NCOR1: variants seen among roughly 807,000 people sequenced by gnomAD.
NCOR1 encodes nuclear receptor corepressor 1, also known as protein phosphatase 1, regulatory subunit 109.
A neutral mutation model predicts 288.1 loss-of-function variants in NCOR1; 63 were observed. The observed-to-expected ratio is 0.22, with a 90% CI of 0.18 to 0.27. The LOEUF (loss-of-function observed/expected upper bound fraction) is 0.27, where lower values mean the gene tolerates loss of function less well. NCOR1 is among the 10% of genes least tolerant of loss of function. The pLI is 1.00. For missense variants in NCOR1, 2,397 were observed against 3,019.2 expected (o/e 0.79, Z 4.83); for synonymous variants, 1,007 against 1,065.9 (o/e 0.94, Z 1.08).
intron 2 of NCOR1, among the ~76,000 whole-genome samples, chr17:16,191,483 A>AT (rs1437651780): frequency 6.6e-6 from 1 of 152,238 alleles, no homozygotes; most frequent in Non-Finnish European, 1.5e-5. Context: ...CAAAAATGAA[A>AT]TCCATCTGCA....
In NCOR1 at chr17:16,092,152, T is replaced by C. The variant is rs759109176; in HGVS notation, c.2821-94A>G. The stretch of plus-strand genomic sequence containing the variant: ...TGTAATGCTTATTTCTGTCATGTTA[T>C]TGGTTGAATTGATTTTATCATTTTT... On this transcript the variant is annotated intron_variant, in intron 21 of 45. Transcript: ENST00000268712. The C allele has an allele frequency of 1.7e-5, 23 of 1,392,404 alleles. No individual in the cohort carries two copies. The African/African-American group carries it at 1.8e-4, about 11-fold the overall frequency. The allele number at this position is 1,392,404 out of a possible 1,614,324, so 86.3% of individuals were successfully genotyped here.
At chr17:16,204,266 C>T (rs1458824480) in intron 1 of NCOR1, among the ~76,000 whole-genome samples, 2 of 152,146 alleles carry the variant, frequency 1.3e-5, no homozygotes, top group Non-Finnish European at 2.9e-5. Flanking sequence ...GCTGACACAA[C>T]TAGCTAGTTA....
chr17:16,067,865 C>A, intron 32 of NCOR1, 29 bp downstream of exon 32: 1 of 1,575,174 alleles, frequency 6.3e-7, no homozygotes, highest in South Asian at 1.1e-5. Flanking sequence ...ATTTATTTGC[C>A]ATAAATTATC....
intron 3 of NCOR1, among the ~76,000 whole-genome samples, chr17:16,184,859 T>C (rs564044369): frequency 1.2e-4 from 19 of 152,118 alleles, no homozygotes; most frequent in African/African-American, 4.6e-4. Context: ...GTGGTATATA[T>C]ACACTATGGA....
chr17:16,202,301 TGA>T (rs2090937218), intron 1 of NCOR1, among the ~76,000 whole-genome samples: 1 of 149,146 alleles, frequency 6.7e-6, no homozygotes, highest in Non-Finnish European at 1.5e-5. Flanking sequence ...CTCAGGAGGC[TGA>T]GACACGAGAA....
At position 16,029,936 on chromosome 17, in the gene NCOR1, A is replaced by G. The variant is rs1360678833; in HGVS notation, c.*2360T>C. The G allele has an allele frequency of 1.9e-5, 3 of 156,830 alleles. No homozygotes were observed. Among genetic ancestry groups the G allele is most frequent in the East Asian group, 1.6e-4 (1 of 6,196 alleles). The allele number at this position is 156,830 out of a possible 1,614,324, so 9.7% of individuals were successfully genotyped here. A position where few individuals can be genotyped will look rare whatever the true frequency, so the allele number is the denominator to read the frequency against. Reference sequence around the variant, plus strand: ...GTAAGAAGTTAGGCTCTGATCTGACATGTTCTCAGAAACTATACGGTTGAC... The same window carrying G: ...GTAAGAAGTTAGGCTCTGATCTGACGTGTTCTCAGAAACTATACGGTTGAC... On this transcript the variant is annotated 3_prime_UTR_variant, in exon 46 of 46. Coordinates refer to ENST00000268712, the MANE Select transcript of NCOR1 (RefSeq NM_006311.4).
chr17:16,122,604 A>C (rs2073218146), intron 15 of NCOR1: 3 of 152,196 alleles, frequency 2.0e-5, no homozygotes, highest in Non-Finnish European at 4.4e-5. Flanking sequence ...CCTTCAAGGG[A>C]CAGACCTTTC....
chr17:16,170,482 A>C, intron 4 of NCOR1, among the ~76,000 whole-genome samples: 1 of 152,194 alleles, frequency 6.6e-6, no homozygotes, highest in Non-Finnish European at 1.5e-5. Flanking sequence ...TTCTGTATCT[A>C]CTAAGTGTCA....
chr17:16,185,533 A>C (rs1453826925), intron 3 of NCOR1, among the ~76,000 whole-genome samples: 1 of 151,838 alleles, frequency 6.6e-6, no homozygotes, highest in African/African-American at 2.4e-5. Context: ...AAAACACAAA[A>C]GTTAGCTGGG....
intron 4 of NCOR1, among the ~76,000 whole-genome samples, chr17:16,166,671 C>CTCCA (rs1568434284): frequency 6.6e-6 from 1 of 151,380 alleles, no homozygotes; most frequent in African/African-American, 2.4e-5. Flanking sequence ...CAGAGCAAGA[C>CTCCA]TCCATCTCAA....
chr17:16,193,524 C>T (rs545418280), intron 2 of NCOR1, among the ~76,000 whole-genome samples: 8 of 152,212 alleles, frequency 5.3e-5, no homozygotes, highest in African/African-American at 1.4e-4. Flanking sequence ...TGAGCCACCG[C>T]GCCCGGCCTG....
At chr17:16,076,499 C>G (rs1034752608) in intron 26 of NCOR1, among the ~76,000 whole-genome samples, 1 of 152,184 alleles carries the variant, frequency 6.6e-6, no homozygotes, top group Non-Finnish European at 1.5e-5. Context: ...TACAACTACA[C>G]GAGAAGTTGC....
intron 1 of NCOR1, among the ~76,000 whole-genome samples, chr17:16,206,785 A>T (rs2091562358): frequency 6.6e-6 from 1 of 152,226 alleles, no homozygotes; most frequent in African/African-American, 2.4e-5. Flanking sequence ...ACAGTAGTAT[A>T]TAAAAGAATA....
chr17:16,180,048 G>A (rs2085081449), intron 3 of NCOR1, among the ~76,000 whole-genome samples: 1 of 151,170 alleles, frequency 6.6e-6, no homozygotes. Context: ...CCACTAGCAA[G>A]TGGGACATAT....
chr17:16,100,799 A>T (rs1423274022), intron 20 of NCOR1, among the ~76,000 whole-genome samples: 2 of 152,216 alleles, frequency 1.3e-5, no homozygotes, highest in Non-Finnish European at 2.9e-5. Context: ...AACACTGAAC[A>T]TGTCTCTCTT....
At chr17:16,136,862 A>C (rs1249086106) in intron 14 of NCOR1, among the ~76,000 whole-genome samples, 1 of 151,834 alleles carries the variant, frequency 6.6e-6, no homozygotes, top group Non-Finnish European at 1.5e-5. Context: ...GAACTCCACA[A>C]ATGAAGTTAA....
chr17:16,192,548 C>T (rs1280216084), intron 2 of NCOR1, among the ~76,000 whole-genome samples: 6 of 152,014 alleles, frequency 3.9e-5, no homozygotes, highest in African/African-American at 7.3e-5. Flanking sequence ...TCCAGCTACT[C>T]GGGAGGCTGA....
chr17:16,088,437 T>C (rs926419081), intron 22 of NCOR1, among the ~76,000 whole-genome samples: 7 of 152,170 alleles, frequency 4.6e-5, no homozygotes, highest in Non-Finnish European at 7.4e-5. Flanking sequence ...CGGATTTCTG[T>C]GTAATAATTT....
chr17:16,170,581 T>A (rs904814191), intron 4 of NCOR1, among the ~76,000 whole-genome samples: 6 of 152,026 alleles, frequency 3.9e-5, no homozygotes, highest in Non-Finnish European at 5.9e-5. Flanking sequence ...ATGCCTGTAA[T>A]CCCAGCACTT....
Sources: allele counts gnomAD v4.1 joint callset (sites outside exome capture counted in the v4.1 genomes callset), GRCh38; gene constraint gnomAD v4.1.1; transcripts MANE v1.5; gene names NCBI Gene and HGNC (gene_info 2026-07-23, HGNC 2026-07-21).